Variants in FBXW11 observed in about 807,000 individuals in gnomAD.
FBXW11 encodes F-box and WD repeat domain containing 11.
Under a neutral mutation model 77.6 loss-of-function variants are expected in FBXW11, and 19 were observed. The observed-to-expected ratio is 0.24, with a 90% confidence interval of 0.17 to 0.36. The LOEUF (loss-of-function observed/expected upper bound fraction) is 0.36, where lower values mean the gene tolerates loss of function less well. Ranked by LOEUF, FBXW11 falls within the 10% of genes least tolerant of loss-of-function variation. The pLI is 1.00. For missense variants in FBXW11, 334 were observed against 704.2 expected (o/e 0.47, Z 5.95); for synonymous variants, 235 against 249.4 (o/e 0.94, Z 0.54).
rs116147770 is a variant in FBXW11, at chr5:171,979,589, A to G, written c.46-21891T>C. Among the ~76,000 whole-genome samples, 378 of 152,254 alleles carry G rather than the reference A, an allele frequency of 2.5e-3. 1 individual carries two copies. Among genetic ancestry groups the G allele is most frequent in the Middle Eastern group, 0.014 (4 of 294 alleles). On this transcript the variant is annotated intron_variant, in intron 1 of 13. Transcript: ENST00000517395. ...TGCAATTATTTTTTAATATATGTGTAAATAATGGTGGTGGACTAACTGGTT... is the reference window on the plus strand; with the variant it reads ...TGCAATTATTTTTTAATATATGTGTGAATAATGGTGGTGGACTAACTGGTT...
At chr5:171,989,404 G>A (rs543633123) in intron 1 of FBXW11, among the ~76,000 whole-genome samples, 9 of 152,342 alleles carry the variant, frequency 5.9e-5, no homozygotes, top group Admixed American at 5.2e-4. Flanking sequence ...TGCTCATAAC[G>A]GGATAACCCG....
intron 4 of FBXW11, among the ~76,000 whole-genome samples, chr5:171,909,572 C>T (rs963219060): frequency 5.9e-5 from 9 of 152,246 alleles, no homozygotes; most frequent in Admixed American, 3.3e-4. Flanking sequence ...GCTGAGGGAA[C>T]GGGTTATGTG....
intron 2 of FBXW11, among the ~76,000 whole-genome samples, chr5:171,955,184 G>A (rs185597787): frequency 3.2e-3 from 485 of 152,296 alleles, no homozygotes; most frequent in Middle Eastern, 0.01. Flanking sequence ...ATGCCTAAGG[G>A]CAACTACTAT....
At chr5:171,888,472 C>A (rs1759067206) in intron 7 of FBXW11, among the ~76,000 whole-genome samples, 1 of 152,190 alleles carries the variant, frequency 6.6e-6, no homozygotes, top group Admixed American at 6.5e-5. Context: ...AGGCTTTGAA[C>A]AGTGGAAAAG....
At chr5:171,945,569 TTAGGCATG>T (rs939511353) in intron 2 of FBXW11, among the ~76,000 whole-genome samples, 11 of 152,166 alleles carry the variant, frequency 7.2e-5, no homozygotes, top group African/African-American at 2.7e-4. Context: ...AGTAACATGT[TTAGGCATG>T]TAGTACTCAT....
chr5:171,893,714 C>G (rs1314684130), intron 6 of FBXW11, among the ~76,000 whole-genome samples: 3 of 152,138 alleles, frequency 2.0e-5, no homozygotes, highest in Non-Finnish European at 4.4e-5. Context: ...TACCAATGTT[C>G]ACGTTATACC....
intron 2 of FBXW11, among the ~76,000 whole-genome samples, chr5:171,940,256 C>T (rs911882865): frequency 6.6e-6 from 1 of 152,134 alleles, no homozygotes; most frequent in South Asian, 2.1e-4. Flanking sequence ...TTCTGGAAGG[C>T]TAGAATGAGA....
intron 8 of FBXW11, among the ~76,000 whole-genome samples, chr5:171,877,266 G>A (rs527690488): frequency 1.2e-3 from 185 of 152,238 alleles, no homozygotes; most frequent in Non-Finnish European, 2.2e-3. Flanking sequence ...AGTCTGAGAT[G>A]ACAGGAAGAA....
chr5:171,881,003 T>C (rs888989554), intron 7 of FBXW11, among the ~76,000 whole-genome samples: 2 of 152,228 alleles, frequency 1.3e-5, no homozygotes, highest in Non-Finnish European at 2.9e-5. Context: ...AGCCATGTTA[T>C]TGTGTTTTTA....
At chr5:171,887,390 CA>C (rs1383721593) in intron 7 of FBXW11, among the ~76,000 whole-genome samples, 2 of 150,678 alleles carry the variant, frequency 1.3e-5, no homozygotes, top group Admixed American at 6.6e-5. Context: ...AAAAAACAAA[CA>C]AAAAATAAAA....
At chr5:171,871,353 C>A (rs1234132432) in intron 10 of FBXW11, among the ~76,000 whole-genome samples, 1 of 152,166 alleles carries the variant, frequency 6.6e-6, no homozygotes, top group East Asian at 1.9e-4. Context: ...CCGCCCCAGG[C>A]ACTTCTAGCA....
At chr5:171,988,642 T>G (rs1414979926) in intron 1 of FBXW11, among the ~76,000 whole-genome samples, 1 of 149,756 alleles carries the variant, frequency 6.7e-6, no homozygotes, top group Non-Finnish European at 1.5e-5. Context: ...GTCAGGAGTT[T>G]GAGACCAGTC....
intron 1 of FBXW11, among the ~76,000 whole-genome samples, chr5:171,985,250 C>T (rs761200797): frequency 3.3e-5 from 5 of 152,168 alleles, no homozygotes; most frequent in Non-Finnish European, 7.3e-5. Context: ...TTGTAAACCA[C>T]AGATCTTGCT....
intron 13 of FBXW11, 51 bp downstream of exon 13, chr5:171,868,559 G>A: frequency 6.8e-7 from 1 of 1,475,914 alleles, no homozygotes; most frequent in Admixed American, 2.1e-5. Context: ...TTTCCCCAAA[G>A]GGAAGGTGAA....
intron 2 of FBXW11, among the ~76,000 whole-genome samples, chr5:171,938,486 T>C (rs932973959): frequency 6.6e-6 from 1 of 152,252 alleles, no homozygotes; most frequent in Non-Finnish European, 1.5e-5. Context: ...GGCAAATATG[T>C]AGAATTGATA....
intron 2 of FBXW11, among the ~76,000 whole-genome samples, chr5:171,939,395 T>C (rs1009424678): frequency 6.6e-6 from 1 of 151,482 alleles, no homozygotes; most frequent in African/African-American, 2.4e-5. Flanking sequence ...TAAACATTAT[T>C]TTTAAGAACT....
chr5:171,892,278 T>C (rs1297537138), intron 6 of FBXW11, among the ~76,000 whole-genome samples: 1 of 152,180 alleles, frequency 6.6e-6, no homozygotes, highest in Non-Finnish European at 1.5e-5. Flanking sequence ...GGTGTCTGGA[T>C]CTAGAGAGAC....
In FBXW11 at chr5:171,869,926, A is replaced by C; in HGVS notation, c.1452-119T>G. The stretch of plus-strand genomic sequence containing the variant: ...CTATTTATAAAAGCTAATGGGGAAC[A>C]TGCTTATGTTTTTACAAATCATCTG... On this transcript the variant is annotated intron_variant, in intron 11 of 13. Transcript: ENST00000517395. The surrounding 1 kb of genome is among the most constrained non-coding windows in gnomAD (Gnocchi z 4.1). 1 of 513,910 alleles carries C rather than the reference A, an allele frequency of 1.9e-6. No homozygotes were observed. The allele number at this position is 513,910 out of a possible 1,614,324, so 31.8% of individuals were successfully genotyped here.
chr5:171,876,286 T>C lies in FBXW11; in HGVS notation c.1220A>G (p.Lys407Arg). ...GGTTATGACTGCAGACATACTTACT[T>C]TGATGGTCCTGTCACCAGAGGCAGA... The part of the protein sequence containing the change: ...IVSASGDRTI[K>R]VWSTSTCEFV... The change falls in exon 9 of 14, where the codon AAA (lysine) becomes AGA (arginine). Residue 407 changes from lysine (K) to arginine (R), a missense_variant and splice_region_variant. Physicochemically the swap from Lys to Arg is conservative, Grantham distance 26 (BLOSUM62 2). Transcript: ENST00000517395. The surrounding 1 kb of genome is among the most constrained non-coding windows in gnomAD (Gnocchi z 4.2). 6.2e-7 allele frequency: 1 copy of C among 1,614,116 alleles called. No individual in the cohort carries two copies. Among genetic ancestry groups the C allele is most frequent in the Non-Finnish European group, 8.5e-7 (1 of 1,180,002 alleles).
Sources: gnomAD v4.1 joint callset for allele counts (sites outside exome capture counted in the v4.1 genomes callset) on GRCh38, gnomAD v4.1.1 for gene constraint, Gnocchi (gnomAD v3.1) non-coding constraint, MANE v1.5 for transcripts, NCBI Gene and HGNC (gene_info 2026-07-23, HGNC 2026-07-21) for gene names.